Variants in PIK3CD observed in about 807,000 individuals in gnomAD.
PIK3CD encodes the protein phosphatidylinositol-4,5-bisphosphate 3-kinase catalytic subunit delta, also known as phosphatidylinositol 4,5-bisphosphate 3-kinase catalytic subunit delta isoform.
Under a neutral mutation model 122.9 loss-of-function variants are expected in PIK3CD, and 20 were observed. The observed-to-expected ratio is 0.16, with a 90% CI of 0.11 to 0.24. The LOEUF (loss-of-function observed/expected upper bound fraction) is 0.24. Ranked by LOEUF, PIK3CD falls within the 10% of genes least tolerant of loss-of-function variation. PIK3CD has a pLI of 1.00. For synonymous variants in PIK3CD, 596 were observed against 593.4 expected, an observed-to-expected ratio of 1.00 and a Z score of -0.06; for missense variants, 787 against 1,406.3, an observed-to-expected ratio of 0.56 and a Z score of 7.04.
At chr1:9,647,806 A>G (rs539033439), upstream of PIK3CD, among the ~76,000 whole-genome samples, 1 of 152,240 alleles carries the variant, frequency 6.6e-6, no homozygotes, top group South Asian at 2.1e-4. Flanking sequence ...TAAAATTGGG[A>G]GTCCCTCAGA....
intron 23 of PIK3CD, among the ~76,000 whole-genome samples, chr1:9,725,528 C>T (rs1444772196): frequency 1.3e-5 from 2 of 151,638 alleles, no homozygotes; most frequent in Non-Finnish European, 1.5e-5. Context: ...GCACTCCAGC[C>T]TGGGCAGCAG....
chr1:9,637,902 G>A, the PIK3CD span, among the ~76,000 whole-genome samples: 21 of 152,052 alleles, frequency 1.4e-4, no homozygotes, highest in East Asian at 2.1e-3. Context: ...TCAGGACTTC[G>A]AGACCAGCCT....
At chr1:9,648,427 C>T (rs952306564), upstream of PIK3CD, among the ~76,000 whole-genome samples, 1 of 152,210 alleles carries the variant, frequency 6.6e-6, no homozygotes, top group Non-Finnish European at 1.5e-5. Context: ...TTTCTTGAAA[C>T]AAACTCTAAA....
At chr1:9,636,728 A>G in the PIK3CD span, among the ~76,000 whole-genome samples, 1 of 152,084 alleles carries the variant, frequency 6.6e-6, no homozygotes, top group Non-Finnish European at 1.5e-5. Flanking sequence ...CGCTTGTCCA[A>G]TAAGCCCTAT....
At chr1:9,653,937 A>G in intron 1 of PIK3CD, 1 of 1,364,592 alleles carries the variant, frequency 7.3e-7, no homozygotes, top group South Asian at 1.1e-5. Flanking sequence ...TGAGAGCGGT[A>G]GCTCATACCT....
rs574887263 is a variant in PIK3CD, at chr1:9,697,559, A to T, written c.-33+5988A>T. ...ACAAAATTGTATTTCATTATTATTT[A>T]AAAAAAAAAAAAAGTTTTTTTTTAA... On this transcript the variant is annotated intron_variant, in intron 2 of 23. Transcript: ENST00000377346. Among the ~76,000 whole-genome samples the T allele has an allele frequency of 4.2e-3, 567 of 134,138 alleles. 2 individuals are homozygous for T. Among genetic ancestry groups the T allele is most frequent in the African/African-American group, 0.015 (516 of 34,176 alleles). The allele number at this position is 134,138 out of a possible 152,430, so 88.0% of individuals were successfully genotyped here.
chr1:9,627,532 A>C, the PIK3CD span, among the ~76,000 whole-genome samples: 3 of 152,258 alleles, frequency 2.0e-5, no homozygotes, highest in African/African-American at 7.2e-5. Flanking sequence ...CTGATCTCAC[A>C]GGGCGGCTGT....
chr1:9,703,369 T>C (rs924161464), intron 2 of PIK3CD, among the ~76,000 whole-genome samples: 11 of 152,152 alleles, frequency 7.2e-5, no homozygotes, highest in Non-Finnish European at 4.4e-5. Context: ...TCCAGGGAGC[T>C]AGGGGTGAAG....
chr1:9,655,455 C>T (rs1007981357), intron 1 of PIK3CD, among the ~76,000 whole-genome samples: 1 of 132,742 alleles, frequency 7.5e-6, no homozygotes, highest in Non-Finnish European at 1.6e-5. Flanking sequence ...CGCCCCCCCC[C>T]CTTTTTTATT....
At chr1:9,680,286 T>G (rs1441305793) in intron 1 of PIK3CD, among the ~76,000 whole-genome samples, 1 of 152,038 alleles carries the variant, frequency 6.6e-6, no homozygotes, top group Non-Finnish European at 1.5e-5. Context: ...TCAGTGGTTT[T>G]TAGTATATTC....
chr1:9,725,550 G>A (rs886358143), intron 23 of PIK3CD, among the ~76,000 whole-genome samples: 28 of 146,884 alleles, frequency 1.9e-4, no homozygotes, highest in East Asian at 1.4e-3. Flanking sequence ...AGCAAAACTC[G>A]GTCTCAAAAA....
intron 2 of PIK3CD, among the ~76,000 whole-genome samples, chr1:9,699,328 A>C (rs1646538262): frequency 6.6e-6 from 1 of 152,168 alleles, no homozygotes; most frequent in South Asian, 2.1e-4. Context: ...CATGTCCTGC[A>C]CACGTCTCCT....
At chr1:9,708,285 G>A (rs1024177638) in intron 2 of PIK3CD, among the ~76,000 whole-genome samples, 1 of 151,354 alleles carries the variant, frequency 6.6e-6, no homozygotes, top group African/African-American at 2.4e-5. Flanking sequence ...GGGTTCAAGC[G>A]ATTCTCATGC....
At chr1:9,655,914 C>T (rs1329813976) in intron 1 of PIK3CD, among the ~76,000 whole-genome samples, 3 of 152,074 alleles carry the variant, frequency 2.0e-5, no homozygotes, top group Non-Finnish European at 4.4e-5. Flanking sequence ...CCAGGCTGGT[C>T]TCGAACTCCT....
intron 1 of PIK3CD, among the ~76,000 whole-genome samples, chr1:9,690,421 G>T (rs1646158861): frequency 6.6e-6 from 1 of 152,120 alleles, no homozygotes; most frequent in Non-Finnish European, 1.5e-5. Flanking sequence ...ATTTCCCTGT[G>T]CCAGAGCTAC....
At chr1:9,726,473 C>T (rs547892381) in intron 23 of PIK3CD, among the ~76,000 whole-genome samples, 131 of 152,366 alleles carry the variant, frequency 8.6e-4, no homozygotes, top group African/African-American at 3.1e-3. Context: ...CATGCCCCTG[C>T]ACTCCAGCCT....
In PIK3CD at chr1:9,689,520, TCCCAGCCCCGC is replaced by T. The variant is rs1322138238; in HGVS notation, c.-137-1943_-137-1933del. On this transcript the variant is annotated intron_variant, in intron 1 of 23. Coordinates refer to ENST00000377346, the MANE Select transcript of PIK3CD (RefSeq NM_005026.5). This position sits in a 1 kb window ranked among gnomAD's most constrained non-coding sequence, Gnocchi z 6.1. Reference sequence around the variant, plus strand: ...GGCGCCCCGCCCCGCCTGCCAGTAGTCCCAGCCCCGCCCCGGGCCGCGCCCCTCCGCCGAGC... The same window carrying T: ...GGCGCCCCGCCCCGCCTGCCAGTAGTCCCGGGCCGCGCCCCTCCGCCGAGC... Among the ~76,000 whole-genome samples the T allele has an allele frequency of 1.5e-5, 2 of 131,610 alleles. No individual in the cohort carries two copies. The highest frequency in any genetic ancestry group is 2.2e-4 in the East Asian group (1 of 4,502). The allele number at this position is 131,610 out of a possible 152,430, so 86.3% of individuals were successfully genotyped here.
At chr1:9,663,566 T>G (rs1477488347) in intron 1 of PIK3CD, among the ~76,000 whole-genome samples, 1 of 149,000 alleles carries the variant, frequency 6.7e-6, no homozygotes, top group Non-Finnish European at 1.5e-5. Context: ...TTTACTTTAT[T>G]TTTTTATTTT....
chr1:9,692,123 G>A lies in PIK3CD; in HGVS notation c.-33+552G>A, dbSNP rs548705067. ...TCATGGTGCAAATGAGGACACTGAG[G>A]CCAGAGACCGACACTGGCTGGACGT... On this transcript the variant is annotated intron_variant, in intron 2 of 23. Coordinates refer to ENST00000377346, the MANE Select transcript of PIK3CD (RefSeq NM_005026.5). 2.0e-5 allele frequency among the ~76,000 whole-genome samples: 3 copies of A among 152,246 alleles called. No individual in the cohort carries two copies. The South Asian group carries it at 6.2e-4, about 32-fold the overall frequency.
Sources: gnomAD v4.1 joint callset for allele counts (sites outside exome capture counted in the v4.1 genomes callset) on GRCh38, gnomAD v4.1.1 for gene constraint, Gnocchi (gnomAD v3.1) non-coding constraint, MANE v1.5 for transcripts, NCBI Gene and HGNC (gene_info 2026-07-23, HGNC 2026-07-21) for gene names.